Variants in WIPF1 observed in about 807,000 individuals in gnomAD.
WIPF1 encodes the protein WAS/WASL interacting protein family member 1, also known as WAS/WASL-interacting protein family member 1.
In WIPF1, 13 loss-of-function variants were observed where a neutral mutation model predicts 35.4. The ratio of observed to expected loss-of-function variants is 0.37; its 90% CI spans 0.24 to 0.58. WIPF1 has a LOEUF of 0.58. Among genes scored for constraint, WIPF1 ranks in the 20% least tolerant of loss-of-function variants. WIPF1 has a pLI of 0.74. For missense variants in WIPF1, 591 were observed against 667.0 expected, an observed-to-expected ratio of 0.89 and a Z score of 1.25; for synonymous variants, 267 against 266.3, an observed-to-expected ratio of 1.00 and a Z score of -0.02.
chr2:174,680,359 T>G (rs904493535), intron 1 of WIPF1, among the ~76,000 whole-genome samples: 2 of 152,152 alleles, frequency 1.3e-5, no homozygotes, highest in Admixed American at 6.5e-5. Flanking sequence ...CTACCAAGCC[T>G]TCAAGAACCA....
intron 1 of WIPF1, among the ~76,000 whole-genome samples, chr2:174,591,673 T>TACATACACACACACAC (rs1553529232): frequency 2.7e-5 from 4 of 146,724 alleles, no homozygotes; most frequent in African/African-American, 1.0e-4. Flanking sequence ...CTTTGTTGCT[T>TACATACACACACACAC]ACACACACAC....
chr2:174,628,015 G>A (rs1382692293), intron 1 of WIPF1, among the ~76,000 whole-genome samples: 2 of 152,056 alleles, frequency 1.3e-5, no homozygotes, highest in African/African-American at 2.4e-5. Context: ...CTTGGGGAGG[G>A]GTAGAACACT....
intron 3 of WIPF1, among the ~76,000 whole-genome samples, chr2:174,576,380 TTA>T (rs1685065288): frequency 3.3e-5 from 5 of 152,228 alleles, no homozygotes; most frequent in Admixed American, 3.3e-4. Flanking sequence ...TAACACTTTG[TTA>T]GCACTTCTTG....
upstream of WIPF1, among the ~76,000 whole-genome samples, chr2:174,601,979 G>A (rs2105882967): frequency 6.6e-6 from 1 of 152,334 alleles, no homozygotes; most frequent in East Asian, 1.9e-4. Context: ...AAAGAGGGTG[G>A]AGAGAAAGGC....
chr2:174,571,726 G>T lies in WIPF1; in HGVS notation c.1079C>A (p.Pro360Gln). The change falls in exon 5 of 8, where the codon CCG becomes CAG. Residue 360 changes from proline to glutamine, a missense_variant. Around this residue, in one of 3 missense-constraint regions of WIPF1, gnomAD observed 471 missense variants for 501.1 expected, o/e 0.94. Transcript: ENST00000679041. The surrounding 1 kb of genome is among the most constrained non-coding windows in gnomAD (Gnocchi z 4.6). ...TGGAGGTGGGGGTCTCTCACTGGGC[G>T]GGGGAGGAAGAGGACCTGAACGTCC... ...SPGRSGPLPP[P>Q]PSERPPPPVR... 6.2e-7 allele frequency: 1 copy of T among 1,614,152 alleles called. No homozygotes were observed. Among genetic ancestry groups the T allele is most frequent in the Non-Finnish European group, 8.5e-7 (1 of 1,180,032 alleles).
Position 174,572,158 on chromosome 2 carries a change from C to T in WIPF1, c.647G>A (p.Gly216Glu). 6.2e-7 allele frequency: 1 copy of T among 1,613,556 alleles called. No homozygotes were observed. The highest frequency in any genetic ancestry group is 8.5e-7 in the Non-Finnish European group (1 of 1,179,756). The stretch of plus-strand genomic sequence containing the variant: ...TCCAGGGAAAGGGGGAGGAGTGGGC[C>T]CGGGGCTGGGCTGCCTGGGGCCTCC... The part of the protein sequence containing the change: ...VPGGPRQPSP[G>E]PTPPPFPGNR... The change falls in exon 5 of 8, where the codon GGG becomes GAG. Residue 216 changes from glycine (G) to glutamate (E), a missense_variant. Physicochemically the swap from Gly to Glu is moderately conservative, Grantham distance 98. Coordinates refer to ENST00000679041, the MANE Select transcript of WIPF1 (RefSeq NM_001375834.1).
chr2:174,634,184 G>A (rs750794829), intron 1 of WIPF1, among the ~76,000 whole-genome samples: 7 of 152,152 alleles, frequency 4.6e-5, no homozygotes, highest in African/African-American at 1.4e-4. Flanking sequence ...GATCTGTCCC[G>A]TTTCACATTT....
At chr2:174,669,922 T>C (rs1687972034) in intron 1 of WIPF1, among the ~76,000 whole-genome samples, 1 of 152,086 alleles carries the variant, frequency 6.6e-6, no homozygotes, top group Admixed American at 6.5e-5. Flanking sequence ...AATGAACTGT[T>C]ATGCTGGAGA....
At chr2:174,581,167 G>T in intron 3 of WIPF1, 143 bp downstream of exon 3, 1 of 1,193,626 alleles carries the variant, frequency 8.4e-7, no homozygotes, top group Non-Finnish European at 1.2e-6. Context: ...CCTACAGGGA[G>T]TGATACAGTC....
chr2:174,681,710 G>A (rs1041477868), intron 1 of WIPF1, among the ~76,000 whole-genome samples: 7 of 152,094 alleles, frequency 4.6e-5, no homozygotes, highest in African/African-American at 1.7e-4. Context: ...GTCCAGAGAC[G>A]ATCCAGGGGG....
intron 1 of WIPF1, among the ~76,000 whole-genome samples, chr2:174,638,595 T>C (rs1458849829): frequency 1.3e-5 from 2 of 151,962 alleles, no homozygotes; most frequent in Non-Finnish European, 2.9e-5. Flanking sequence ...TCTGCTTCTA[T>C]GATATCAACC....
At chr2:174,597,548 T>C (rs1481523622) in intron 1 of WIPF1, 53 bp downstream of exon 1, 13 of 152,562 alleles carry the variant, frequency 8.5e-5, no homozygotes, top group Non-Finnish European at 1.5e-5. Flanking sequence ...CATTTAGTTC[T>C]TCCCTGTAGC....
At chr2:174,589,606 A>T (rs1685542292) in intron 1 of WIPF1, among the ~76,000 whole-genome samples, 1 of 151,094 alleles carries the variant, frequency 6.6e-6, no homozygotes, top group South Asian at 2.1e-4. Context: ...CTGTGGATAG[A>T]ATTCAAGGGT....
chr2:174,647,890 GA>G (rs1687446354), intron 1 of WIPF1, among the ~76,000 whole-genome samples: 1 of 152,192 alleles, frequency 6.6e-6, no homozygotes, highest in Non-Finnish European at 1.5e-5. Flanking sequence ...CTAGATTAAA[GA>G]GATAGGTTAT....
chr2:174,575,469 C>T, intron 3 of WIPF1, 89 bp from the exon 4 acceptor site: 1 of 1,453,212 alleles, frequency 6.9e-7, no homozygotes, highest in Non-Finnish European at 9.0e-7. Flanking sequence ...AGCTGGCCGG[C>T]TCTCGGCCTC....
In WIPF1 at chr2:174,559,799, C is replaced by A. The variant is rs1056153573; in HGVS notation, c.*2748G>T. On this transcript the variant is annotated 3_prime_UTR_variant, in exon 8 of 8. Transcript: ENST00000679041. ...TTTTGGGGAACTTTAACAATCATCCCATTTCTGCTACTAAAATAACAAAAC... is the reference window on the plus strand; with the variant it reads ...TTTTGGGGAACTTTAACAATCATCCAATTTCTGCTACTAAAATAACAAAAC... The A allele has an allele frequency of 2.6e-5, 4 of 152,570 alleles. No homozygotes were observed. Among genetic ancestry groups the A allele is most frequent in the African/African-American group, 9.7e-5 (4 of 41,442 alleles). The allele number at this position is 152,570 out of a possible 1,614,324, so 9.5% of individuals were successfully genotyped here.
At chr2:174,645,173 A>T (rs1262950208) in intron 1 of WIPF1, among the ~76,000 whole-genome samples, 1 of 152,200 alleles carries the variant, frequency 6.6e-6, no homozygotes, top group Non-Finnish European at 1.5e-5. Flanking sequence ...TTACATGTTT[A>T]AAAAAATCAA....
upstream of WIPF1, among the ~76,000 whole-genome samples, chr2:174,599,925 A>T (rs1685946522): frequency 6.6e-6 from 1 of 152,040 alleles, no homozygotes; most frequent in African/African-American, 2.4e-5. Context: ...GTTTTGTGGA[A>T]GATAATTTTT....
intron 1 of WIPF1, among the ~76,000 whole-genome samples, chr2:174,680,207 A>G (rs1411333322): frequency 6.6e-6 from 1 of 152,242 alleles, no homozygotes; most frequent in Non-Finnish European, 1.5e-5. Flanking sequence ...TCTGAGCTAC[A>G]TCTTCCTTTC....
Sources: allele counts gnomAD v4.1 joint callset (sites outside exome capture counted in the v4.1 genomes callset), GRCh38; gene constraint gnomAD v4.1.1; regional missense constraint gnomAD v4.1.1; non-coding constraint Gnocchi (gnomAD v3.1); transcripts MANE v1.5; gene names NCBI Gene and HGNC (gene_info 2026-07-23, HGNC 2026-07-21).